The following ZNF385D variants were observed in gnomAD, a reference collection of about 807,000 sequenced individuals.
ZNF385D encodes zinc finger protein 659.
ZNF385D carries 15 observed loss-of-function variants against 35.8 expected under a neutral mutation model. The observed-to-expected ratio is 0.42, with a 90% confidence interval of 0.28 to 0.64. ZNF385D has a LOEUF of 0.64. Ranked by LOEUF, ZNF385D falls within the 30% of genes least tolerant of loss-of-function variation. The pLI is 0.23. For missense variants in ZNF385D, 474 were observed against 494.6 expected (o/e 0.96, Z 0.39); for synonymous variants, 212 against 186.8 (o/e 1.13, Z -1.10).
intron 3 of ZNF385D, among the ~76,000 whole-genome samples, chr3:21,810,399 G>C (rs2125706410): frequency 6.6e-6 from 1 of 152,132 alleles, no homozygotes; most frequent in African/African-American, 2.4e-5. Context: ...GGGAGGGATA[G>C]CATTAGGAGA....
intron 2 of ZNF385D, among the ~76,000 whole-genome samples, chr3:22,187,244 C>T (rs1388325645): frequency 6.6e-6 from 1 of 152,160 alleles, no homozygotes; most frequent in Non-Finnish European, 1.5e-5. Context: ...TGTGGAAGTA[C>T]ACTGCAGTCA....
chr3:22,083,877 T>A (rs200685279), intron 3 of ZNF385D, among the ~76,000 whole-genome samples: 21 of 152,286 alleles, frequency 1.4e-4, no homozygotes, highest in East Asian at 1.2e-3. Context: ...GACTAACAGC[T>A]GATCTCTCAG....
rs547580727 is a variant in ZNF385D, at chr3:21,861,774, T to C, written c.326-196746A>G. 4.9e-4 allele frequency among the ~76,000 whole-genome samples: 75 copies of C among 152,250 alleles called. No individual in the cohort carries two copies. In the Middle Eastern group the frequency reaches 0.01, roughly 21 times the overall value. On this transcript the variant is annotated intron_variant, in intron 3 of 5. Transcript: ENST00000494108. ...ATGGAATCTGCTTTGTCTTACCCAATCAGGGCAATTTCATCTCTCTCACTC... is the reference window on the plus strand; with the variant it reads ...ATGGAATCTGCTTTGTCTTACCCAACCAGGGCAATTTCATCTCTCTCACTC...
intron 2 of ZNF385D, among the ~76,000 whole-genome samples, chr3:22,306,087 T>C (rs1185887038): frequency 6.6e-6 from 1 of 152,132 alleles, no homozygotes; most frequent in Non-Finnish European, 1.5e-5. Context: ...GCAAGAAAAC[T>C]ACAAAAGTCA....
chr3:22,155,945 T>G (rs1404726842), intron 3 of ZNF385D, among the ~76,000 whole-genome samples: 3 of 152,032 alleles, frequency 2.0e-5, no homozygotes, highest in Admixed American at 1.3e-4. Context: ...AGGGTAAAAA[T>G]CAGTTTATCA....
chr3:21,440,794 C>T (rs1701820383), intron 4 of ZNF385D, among the ~76,000 whole-genome samples: 1 of 152,116 alleles, frequency 6.6e-6, no homozygotes, highest in Non-Finnish European at 1.5e-5. Flanking sequence ...AATGGTGCAT[C>T]ATTCAAGTTA....
intron 2 of ZNF385D, among the ~76,000 whole-genome samples, chr3:22,187,831 T>C (rs912418943): frequency 7.2e-5 from 11 of 152,174 alleles, no homozygotes; most frequent in Non-Finnish European, 1.3e-4. Flanking sequence ...GGGATGCAGT[T>C]GGACACTGAG....
At chr3:21,453,346 C>G (rs1211280631) in intron 4 of ZNF385D, among the ~76,000 whole-genome samples, 1 of 151,696 alleles carries the variant, frequency 6.6e-6, no homozygotes, top group Non-Finnish European at 1.5e-5. Flanking sequence ...GCATGAGGAA[C>G]AAAATAAGTA....
chr3:21,444,743 A>C (rs1049714288), intron 4 of ZNF385D, among the ~76,000 whole-genome samples: 24 of 152,172 alleles, frequency 1.6e-4, no homozygotes, highest in African/African-American at 5.8e-4. Flanking sequence ...GCCATTTTCT[A>C]CAAAGATCAT....
chr3:21,564,593 T>A lies in ZNF385D; in HGVS notation c.257A>T (p.Gln86Leu). The change falls in exon 3 of 8, where the codon CAG (glutamine) becomes CTG (leucine). Residue 86 changes from glutamine (Q) to leucine (L), a missense_variant. By Grantham distance (113) the Gln-to-Leu change is moderately radical. Transcript: ENST00000281523. ...ACTTACATCAGAATTAAATCTCAACTGGCAAATGTTGCATGATATGATTTG... is the reference window on the plus strand; with the variant it reads ...ACTTACATCAGAATTAAATCTCAACAGGCAAATGTTGCATGATATGATTTG... ...RKQIISCNIC[Q>L]LRFNSDSQAA... 1 of 1,548,230 alleles carries A rather than the reference T, an allele frequency of 6.5e-7. No homozygotes were observed. The highest frequency in any genetic ancestry group is 8.7e-7 in the Non-Finnish European group (1 of 1,146,154).
intron 2 of ZNF385D, among the ~76,000 whole-genome samples, chr3:22,224,916 T>C (rs761645796): frequency 1.3e-5 from 2 of 152,160 alleles, no homozygotes; most frequent in African/African-American, 2.4e-5. Flanking sequence ...GGGATGCTTT[T>C]TTACTATGTC....
At chr3:21,889,176 G>A (rs1242035075) in intron 3 of ZNF385D, among the ~76,000 whole-genome samples, 1 of 152,202 alleles carries the variant, frequency 6.6e-6, no homozygotes, top group Non-Finnish European at 1.5e-5. Flanking sequence ...TGTAGTACTA[G>A]AGAATACCTG....
chr3:21,607,207 A>C (rs2064509302), intron 2 of ZNF385D, among the ~76,000 whole-genome samples: 1 of 152,106 alleles, frequency 6.6e-6, no homozygotes, highest in African/African-American at 2.4e-5. Flanking sequence ...ATATAGAAAA[A>C]CTAATACGAT....
chr3:22,121,079 T>C (rs937801310), intron 3 of ZNF385D, among the ~76,000 whole-genome samples: 1 of 152,230 alleles, frequency 6.6e-6, no homozygotes, highest in African/African-American at 2.4e-5. Context: ...AGCTGCCTGG[T>C]TGTTGCCTAC....
At chr3:21,812,692 G>A (rs1019400526) in intron 3 of ZNF385D, among the ~76,000 whole-genome samples, 4 of 152,354 alleles carry the variant, frequency 2.6e-5, no homozygotes, top group Middle Eastern at 3.4e-3. Context: ...AAACAAAGCA[G>A]CTGGGAAGCT....
At chr3:21,880,469 C>T (rs887602559) in intron 3 of ZNF385D, among the ~76,000 whole-genome samples, 3 of 151,902 alleles carry the variant, frequency 2.0e-5, no homozygotes, top group South Asian at 2.1e-4. Flanking sequence ...TTTTGGGGCA[C>T]CATAAACTGT....
chr3:21,756,717 A>C (rs2070355411), intron 3 of ZNF385D, among the ~76,000 whole-genome samples: 1 of 152,186 alleles, frequency 6.6e-6, no homozygotes, highest in African/African-American at 2.4e-5. Context: ...AAGTATAATA[A>C]CTTTTGAATG....
intron 2 of ZNF385D, among the ~76,000 whole-genome samples, chr3:21,587,423 A>C (rs1218125501): frequency 6.6e-6 from 1 of 152,250 alleles, no homozygotes; most frequent in East Asian, 1.9e-4. Flanking sequence ...AGTCAGCAAT[A>C]CCTTTTTGAA....
At chr3:21,789,361 T>G (rs2125655845) in intron 3 of ZNF385D, among the ~76,000 whole-genome samples, 1 of 152,256 alleles carries the variant, frequency 6.6e-6, no homozygotes, top group South Asian at 2.1e-4. Flanking sequence ...ATAGGAGAAT[T>G]CAAAGTGGCA....
Sources: allele counts gnomAD v4.1 joint callset (sites outside exome capture counted in the v4.1 genomes callset), GRCh38; gene constraint gnomAD v4.1.1; transcripts MANE v1.5; gene names NCBI Gene and HGNC (gene_info 2026-07-23, HGNC 2026-07-21).